Variants in GOLGA1 observed in about 807,000 individuals in gnomAD.
The protein encoded by GOLGA1 is golgin A1, also known as golgin subfamily A member 1.
Under a neutral mutation model 119.7 loss-of-function variants are expected in GOLGA1, and 63 were observed. The observed-to-expected ratio is 0.53, with a 90% CI of 0.43 to 0.65. The LOEUF is 0.65. Ranked by LOEUF, GOLGA1 falls within the 30% of genes least tolerant of loss-of-function variation. The pLI is 0.00. For synonymous variants in GOLGA1, 318 were observed against 333.4 expected, an observed-to-expected ratio of 0.95 and a Z score of 0.50; for missense variants, 798 against 912.8, an observed-to-expected ratio of 0.87 and a Z score of 1.62.
chr9:124,889,183 C>A lies in GOLGA1; in HGVS notation c.1721G>T (p.Gly574Val), dbSNP rs757613686. 5.6e-6 allele frequency: 9 copies of A among 1,612,390 alleles called. No homozygotes were observed. In the South Asian group the frequency reaches 7.7e-5, roughly 14 times the overall value. ...TGAGAGTGCTTCGGCCTGCAATGGG[C>A]CCCGCAGCCTCAGCAGGTCCTCCTG... ...AEQEDLLRLR[G>V]PLQAEALSVN... The change falls in exon 18 of 23, where the codon GGC becomes GTC. Residue 574 changes from glycine (G) to valine (V), a missense_variant. Transcript: ENST00000373555.
At position 124,881,125 on chromosome 9, in the gene GOLGA1, T is replaced by G. The variant is rs1300585706; in HGVS notation, c.2223+46A>C. The G allele has an allele frequency of 9.8e-7, 1 of 1,022,574 alleles. No individual in the cohort carries two copies. Among genetic ancestry groups the G allele is most frequent in the Non-Finnish European group, 1.6e-6 (1 of 638,234 alleles). 63.3% of individuals were successfully genotyped at this position (1,022,574 alleles called of 1,614,324 possible). On this transcript the variant is annotated intron_variant, in intron 22 of 22. Transcript: ENST00000373555. The surrounding 1 kb of genome is among the most constrained non-coding windows in gnomAD (Gnocchi z 4.9). ...CTTACACTGCTACTGCTGGGATAAC[T>G]GACAACGTATCTTGGAAGCTGGAAC...
At chr9:124,919,263 GA>G (rs1239355173) in intron 10 of GOLGA1, among the ~76,000 whole-genome samples, 9 of 151,258 alleles carry the variant, frequency 6.0e-5, no homozygotes, top group Non-Finnish European at 1.0e-4. Flanking sequence ...TCAAAAAAAA[GA>G]AAAAAAAGAA....
chr9:124,901,545 C>T (rs1830106421), intron 12 of GOLGA1, among the ~76,000 whole-genome samples: 1 of 73,300 alleles, frequency 1.4e-5, no homozygotes, highest in East Asian at 3.8e-4. Flanking sequence ...AGTGATTCTC[C>T]TACCTCAGCC....
chr9:124,937,975 C>A (rs549338914), intron 3 of GOLGA1, among the ~76,000 whole-genome samples: 9 of 148,020 alleles, frequency 6.1e-5, no homozygotes, highest in African/African-American at 2.3e-4. Flanking sequence ...CCCAGCTACT[C>A]GGGAGGCTGA....
At chr9:124,931,955 GATT>G (rs529174071) in intron 3 of GOLGA1, among the ~76,000 whole-genome samples, 3 of 152,146 alleles carry the variant, frequency 2.0e-5, no homozygotes, top group Non-Finnish European at 4.4e-5. Context: ...CAACAAACCA[GATT>G]ATTTTAAAAT....
At chr9:124,907,063 A>G (rs933524289) in intron 12 of GOLGA1, among the ~76,000 whole-genome samples, 16 of 151,238 alleles carry the variant, frequency 1.1e-4, no homozygotes, top group Non-Finnish European at 2.1e-4. Context: ...TCAACCTTTG[A>G]AAAAAAAAGA....
chr9:124,924,056 A>G (rs1484192610), intron 7 of GOLGA1, among the ~76,000 whole-genome samples: 1 of 152,040 alleles, frequency 6.6e-6, no homozygotes, highest in East Asian at 1.9e-4. Flanking sequence ...AGGTTTCACC[A>G]TGTTTGCCAG....
chr9:124,881,367 G>T lies in GOLGA1; in HGVS notation c.2137-110C>A, dbSNP rs995667123. 19 of 746,990 alleles carry T rather than the reference G, an allele frequency of 2.5e-5. No individual in the cohort carries two copies. The highest frequency in any genetic ancestry group is 4.0e-5 in the Non-Finnish European group (16 of 403,986). The allele number at this position is 746,990 out of a possible 1,614,324, so 46.3% of individuals were successfully genotyped here. A position where few individuals can be genotyped will look rare whatever the true frequency, so the allele number is the denominator to read the frequency against. On this transcript the variant is annotated intron_variant, in intron 21 of 22. Transcript: ENST00000373555. The surrounding 1 kb of genome is among the most constrained non-coding windows in gnomAD (Gnocchi z 4.9). ...TTGCTTTGGTTAGCAGGACCAGGTG[G>T]TGGGTGACGCTCTGGCACTCTGAAG...
At chr9:124,939,760 C>T (rs1830963675) in intron 2 of GOLGA1, among the ~76,000 whole-genome samples, 1 of 151,970 alleles carries the variant, frequency 6.6e-6, no homozygotes, top group Non-Finnish European at 1.5e-5. Context: ...CGAGGTTTCT[C>T]CGTGTTGGTC....
chr9:124,885,642 A>G (rs1363413882), intron 19 of GOLGA1, among the ~76,000 whole-genome samples: 3 of 152,108 alleles, frequency 2.0e-5, no homozygotes, highest in Admixed American at 6.6e-5. Context: ...AGGGAAAGGC[A>G]CTTCCAAACG....
At chr9:124,906,895 G>T (rs2131436440) in intron 12 of GOLGA1, among the ~76,000 whole-genome samples, 1 of 152,004 alleles carries the variant, frequency 6.6e-6, no homozygotes, top group South Asian at 2.1e-4. Context: ...TGAATAAATG[G>T]AATATATTTA....
chr9:124,921,343 A>C, intron 9 of GOLGA1, 103 bp from the exon 10 acceptor site: 1 of 747,944 alleles, frequency 1.3e-6, no homozygotes. Context: ...TCAGGGCTAC[A>C]AGCATCATTA....
At position 124,946,162 on chromosome 9, in the gene GOLGA1, T is replaced by A. The variant is rs1169564236; in HGVS notation, c.-156+1756A>T. The A allele has an allele frequency of 2.0e-5, 3 of 152,220 alleles. No individual in the cohort carries two copies. Among genetic ancestry groups the A allele is most frequent in the Admixed American group, 6.5e-5 (1 of 15,286 alleles). 9.4% of individuals were successfully genotyped at this position (152,220 alleles called of 1,614,324 possible). On this transcript the variant is annotated intron_variant, in intron 1 of 4. Transcript: ENST00000421514. The surrounding 1 kb of genome is among the most constrained non-coding windows in gnomAD (Gnocchi z 4.0). Reference sequence around the variant, plus strand: ...TTAAATGGTATAATATCTGCTCTACTACTCTCCAGTGCAAAAACAATGATT... The same window carrying A: ...TTAAATGGTATAATATCTGCTCTACAACTCTCCAGTGCAAAAACAATGATT...
chr9:124,904,770 T>A (rs1405617410), intron 12 of GOLGA1, among the ~76,000 whole-genome samples: 1 of 151,972 alleles, frequency 6.6e-6, no homozygotes, highest in East Asian at 1.9e-4. Flanking sequence ...TGAAACCTTG[T>A]CTCTACCAAA....
intron 19 of GOLGA1, 35 bp from the exon 20 acceptor site, chr9:124,882,604 T>C (rs777068027): frequency 6.5e-7 from 1 of 1,548,182 alleles, no homozygotes; most frequent in Non-Finnish European, 8.9e-7. Context: ...AAGCCAATCG[T>C]TAGATGCATG....
intron 10 of GOLGA1, among the ~76,000 whole-genome samples, chr9:124,915,980 T>C (rs1830433968): frequency 6.7e-6 from 1 of 150,170 alleles, no homozygotes; most frequent in Admixed American, 6.7e-5. Flanking sequence ...CATGTGCCTA[T>C]AGTCCCAGCT....
rs1415666259 is a variant in GOLGA1, at chr9:124,883,931, TTACACATTCCA to T, written c.1906-1373_1906-1363del. ...AATAGTATTATGAGCCTTACATTTA[TTACACATTCCA>T]TACACATTCCATTATTCACTAGACA... On this transcript the variant is annotated intron_variant, in intron 19 of 22. Coordinates refer to ENST00000373555, the MANE Select transcript of GOLGA1 (RefSeq NM_002077.4). Among the ~76,000 whole-genome samples the T allele has an allele frequency of 6.6e-5, 10 of 152,166 alleles. 1 individual carries two copies. Among genetic ancestry groups the T allele is most frequent in the African/African-American group, 2.2e-4 (9 of 41,496 alleles).
chr9:124,899,352 G>C lies in GOLGA1; in HGVS notation c.1288C>G (p.Gln430Glu). The change falls in exon 14 of 23, where the codon CAG (glutamine) becomes GAG (glutamate). Residue 430 changes from glutamine to glutamate, a missense_variant. Gln to Glu is a conservative substitution (Grantham distance 29, BLOSUM62 2). Transcript: ENST00000373555. Reference protein sequence around the residue: ...VALERTRAADQTTAEQGMRQL... With the variant: ...VALERTRAADETTAEQGMRQL... ...ACCATCCCTTGCTCTGCGGTGGTCT[G>C]GTCAGCTGCCCGCGTTCTCTCCAGG... 6.5e-7 allele frequency: 1 copy of C among 1,549,466 alleles called. No individual in the cohort carries two copies. The highest frequency in any genetic ancestry group is 8.7e-7 in the Non-Finnish European group (1 of 1,146,954).
Position 124,888,622 on chromosome 9 carries a change from C to T in GOLGA1, c.1762-226G>A, listed in dbSNP as rs1350486530. Among the ~76,000 whole-genome samples the T allele has an allele frequency of 3.3e-5, 5 of 152,200 alleles. No homozygotes were observed. Among genetic ancestry groups the T allele is most frequent in the Non-Finnish European group, 5.9e-5 (4 of 68,030 alleles). Reference sequence around the variant, plus strand: ...AAGGGGCTTGCTCTCCCCTGCCTACCGACAGGGGTGCCATCTGTGATGGGC... The same window carrying T: ...AAGGGGCTTGCTCTCCCCTGCCTACTGACAGGGGTGCCATCTGTGATGGGC... On this transcript the variant is annotated intron_variant, in intron 18 of 22. Coordinates refer to ENST00000373555, the MANE Select transcript of GOLGA1 (RefSeq NM_002077.4). The surrounding 1 kb of genome is among the most constrained non-coding windows in gnomAD (Gnocchi z 4.4).
Sources: gnomAD v4.1 joint callset for allele counts (sites outside exome capture counted in the v4.1 genomes callset) on GRCh38, gnomAD v4.1.1 for gene constraint, Gnocchi (gnomAD v3.1) non-coding constraint, MANE v1.5 for transcripts, NCBI Gene and HGNC (gene_info 2026-07-23, HGNC 2026-07-21) for gene names.